CCSER1: variants seen among roughly 807,000 people sequenced by gnomAD.
CCSER1 encodes the protein serine-rich coiled-coil domain-containing protein 1.
Under a neutral mutation model 82.0 loss-of-function variants are expected in CCSER1, and 41 were observed. The observed-to-expected ratio is 0.50, with a 90% CI of 0.39 to 0.65. The LOEUF is 0.65. Ranked by LOEUF, CCSER1 falls within the 30% of genes least tolerant of loss-of-function variation. The probability of loss-of-function intolerance (pLI) is 0.00; values close to 1 mark genes in which losing one functional copy is unlikely to be tolerated. For missense variants in CCSER1, 1,119 were observed against 1,064.2 expected, an observed-to-expected ratio of 1.05 and a Z score of -0.72; for synonymous variants, 414 against 383.9, an observed-to-expected ratio of 1.08 and a Z score of -0.92.
chr4:91,473,330 T>C (rs1578553964), intron 10 of CCSER1, among the ~76,000 whole-genome samples: 1 of 152,298 alleles, frequency 6.6e-6, no homozygotes, highest in South Asian at 2.1e-4. Flanking sequence ...GAAGCAGCTC[T>C]TTGCACAGTT....
chr4:90,523,544 T>C (rs1773391274), intron 5 of CCSER1, among the ~76,000 whole-genome samples: 1 of 152,186 alleles, frequency 6.6e-6, no homozygotes, highest in South Asian at 2.1e-4. Flanking sequence ...TTATATGATA[T>C]TAATATAATC....
At chr4:90,663,411 C>G (rs1178484315) in intron 6 of CCSER1, among the ~76,000 whole-genome samples, 1 of 152,164 alleles carries the variant, frequency 6.6e-6, no homozygotes, top group Non-Finnish European at 1.5e-5. Context: ...GATATTCTGG[C>G]TACACACAAG....
chr4:90,276,105 G>T (rs1186985767), intron 1 of CCSER1, among the ~76,000 whole-genome samples: 1 of 151,906 alleles, frequency 6.6e-6, no homozygotes, highest in East Asian at 1.9e-4. Context: ...CTTGATATTT[G>T]ATGAGTCTCA....
At chr4:90,556,085 GA>G (rs890005228) in intron 5 of CCSER1, among the ~76,000 whole-genome samples, 7 of 151,544 alleles carry the variant, frequency 4.6e-5, no homozygotes, top group Admixed American at 1.3e-4. Flanking sequence ...TCTTATGGAG[GA>G]AAAAAAAGTG....
At chr4:90,988,841 A>C (rs1736797173) in intron 9 of CCSER1, among the ~76,000 whole-genome samples, 1 of 151,826 alleles carries the variant, frequency 6.6e-6, no homozygotes, top group South Asian at 2.1e-4. Flanking sequence ...CTCCAGCAAG[A>C]TTTGGCACAC....
chr4:90,261,110 G>A (rs1240354163), intron 1 of CCSER1, among the ~76,000 whole-genome samples: 1 of 151,788 alleles, frequency 6.6e-6, no homozygotes. Context: ...GAGATACGAA[G>A]TACTGTTATA....
At chr4:91,555,455 C>G (rs1449778475) in intron 10 of CCSER1, among the ~76,000 whole-genome samples, 1 of 150,766 alleles carries the variant, frequency 6.6e-6, no homozygotes. Flanking sequence ...AGCCCAATGC[C>G]CGGCACATAG....
intron 10 of CCSER1, among the ~76,000 whole-genome samples, chr4:91,415,387 T>C (rs2149376898): frequency 6.6e-6 from 1 of 152,212 alleles, no homozygotes; most frequent in African/African-American, 2.4e-5. Flanking sequence ...TCTGTTCCTA[T>C]TTGAATATCC....
chr4:90,651,971 G>A (rs904282946), intron 6 of CCSER1, among the ~76,000 whole-genome samples: 8 of 152,114 alleles, frequency 5.3e-5, no homozygotes, highest in African/African-American at 1.7e-4. Context: ...GAAAAATTAA[G>A]TTCATGCTAC....
intron 9 of CCSER1, among the ~76,000 whole-genome samples, chr4:91,060,471 T>C (rs763694594): frequency 8.6e-5 from 13 of 152,042 alleles, no homozygotes; most frequent in East Asian, 1.9e-4. Context: ...TGCAAAACTA[T>C]GAGAATAAAA....
intron 8 of CCSER1, among the ~76,000 whole-genome samples, chr4:90,822,564 TA>T (rs1351603634): frequency 6.6e-6 from 1 of 151,904 alleles, no homozygotes; most frequent in Non-Finnish European, 1.5e-5. Context: ...TCATCTCTAC[TA>T]AAAATACAAA....
At chr4:91,154,653 CCATCTTGGAACCTTTTTCCCAGA>C (rs1447293113) in intron 10 of CCSER1, among the ~76,000 whole-genome samples, 1 of 151,978 alleles carries the variant, frequency 6.6e-6, no homozygotes, top group African/African-American at 2.4e-5. Context: ...TCCTATTTGG[CCATCTTGGAACCTTTTTCCCAGA>C]CATTCTTTTT....
chr4:90,876,311 C>T (rs904284231), intron 8 of CCSER1, among the ~76,000 whole-genome samples: 4 of 151,896 alleles, frequency 2.6e-5, no homozygotes, highest in African/African-American at 9.7e-5. Flanking sequence ...GGTATTCTAA[C>T]CCATAATAAT....
At chr4:90,700,095 G>A (rs936415566) in intron 6 of CCSER1, among the ~76,000 whole-genome samples, 9 of 151,468 alleles carry the variant, frequency 5.9e-5, no homozygotes, top group Non-Finnish European at 8.8e-5. Context: ...CCATTAACTC[G>A]TCATTTACAT....
chr4:90,759,996 A>G (rs1046437763), intron 7 of CCSER1, among the ~76,000 whole-genome samples: 1 of 152,010 alleles, frequency 6.6e-6, no homozygotes, highest in Non-Finnish European at 1.5e-5. Context: ...AAAATATTAT[A>G]AATGAAGTAT....
At chr4:91,490,049 C>T (rs1222685430) in intron 10 of CCSER1, among the ~76,000 whole-genome samples, 2 of 152,114 alleles carry the variant, frequency 1.3e-5, no homozygotes, top group Non-Finnish European at 2.9e-5. Flanking sequence ...TGAGGTATGT[C>T]ACCCCAGTTA....
chr4:91,585,554 T>C (rs1375234237), intron 10 of CCSER1, among the ~76,000 whole-genome samples: 1 of 151,422 alleles, frequency 6.6e-6, no homozygotes, highest in Non-Finnish European at 1.5e-5. Flanking sequence ...ATAAAGAGAA[T>C]GTATAGGTTG....
chr4:91,113,597 T>C (rs1282873522), intron 10 of CCSER1, among the ~76,000 whole-genome samples: 2 of 152,312 alleles, frequency 1.3e-5, no homozygotes, highest in East Asian at 1.9e-4. Flanking sequence ...GTATGATAAA[T>C]AGCATATGCT....
intron 5 of CCSER1, among the ~76,000 whole-genome samples, chr4:90,507,071 G>T (rs763948198): frequency 6.6e-6 from 1 of 152,210 alleles, no homozygotes; most frequent in Non-Finnish European, 1.5e-5. Flanking sequence ...GAAAACTGAA[G>T]AATTAAATGA....
Sources: gnomAD v4.1 joint callset for allele counts (sites outside exome capture counted in the v4.1 genomes callset) on GRCh38, gnomAD v4.1.1 for gene constraint, MANE v1.5 for transcripts, NCBI Gene and HGNC (gene_info 2026-07-23, HGNC 2026-07-21) for gene names.